The following ACER3 variants were observed in gnomAD, a reference collection of about 807,000 sequenced individuals.
ACER3 encodes alkCDase 3.
Under a neutral mutation model 48.9 loss-of-function variants are expected in ACER3, and 16 were observed. The ratio of observed to expected loss-of-function variants is 0.33; its 90% confidence interval spans 0.22 to 0.50. ACER3 has a LOEUF of 0.50. Among genes scored for constraint, ACER3 ranks in the 20% least tolerant of loss-of-function variants. The pLI, the probability that ACER3 is intolerant of heterozygous loss-of-function variation, is 0.98. For missense variants in ACER3, 227 were observed against 326.0 expected (o/e 0.70, Z 2.34); for synonymous variants, 109 against 107.8 (o/e 1.01, Z -0.07).
intron 3 of ACER3, among the ~76,000 whole-genome samples, chr11:76,960,151 C>T (rs1484955534): frequency 6.6e-6 from 1 of 152,080 alleles, no homozygotes; most frequent in East Asian, 1.9e-4. Flanking sequence ...TGGCTCATGC[C>T]TGTAATCCCA....
intron 1 of ACER3, among the ~76,000 whole-genome samples, chr11:76,863,846 C>T (rs1195166415): frequency 3.3e-5 from 5 of 152,314 alleles, no homozygotes; most frequent in South Asian, 2.1e-4. Context: ...CCTAAGATTA[C>T]AGTAAGTGAT....
In ACER3 at chr11:76,907,298, C is replaced by T. The variant is rs17135281; in HGVS notation, c.104-19259C>T. ...TTGTGTTATCTGGTTATAGCTTCTG[C>T]ACTTGAAAGTCTTCTGTAGATCACA... On this transcript the variant is annotated intron_variant, in intron 1 of 10. Transcript: ENST00000532485. Among the ~76,000 whole-genome samples, 474 of 152,320 alleles carry T rather than the reference C, an allele frequency of 3.1e-3. 5 individuals are homozygous for T. The highest frequency in any genetic ancestry group is 0.011 in the African/African-American group (445 of 41,576).
intron 2 of ACER3, among the ~76,000 whole-genome samples, chr11:76,944,169 A>G (rs546575168): frequency 6.6e-6 from 1 of 152,100 alleles, no homozygotes; most frequent in African/African-American, 2.4e-5. Context: ...GTTAATATTG[A>G]TATGTGAGGC....
intron 1 of ACER3, among the ~76,000 whole-genome samples, chr11:76,884,251 T>TC (rs398016731): frequency 6.6e-6 from 1 of 152,168 alleles, no homozygotes; most frequent in Non-Finnish European, 1.5e-5. Flanking sequence ...ATTTTTTTTT[T>TC]CCTTGCACCA....
chr11:76,956,000 T>A (rs1947830354), intron 2 of ACER3, among the ~76,000 whole-genome samples: 1 of 152,090 alleles, frequency 6.6e-6, no homozygotes, highest in Non-Finnish European at 1.5e-5. Context: ...AGCAGGCAAA[T>A]CTGTACAGAC....
At position 76,989,258 on chromosome 11, in the gene ACER3, G is replaced by GT. The variant is rs568267250; in HGVS notation, c.403-1269dup. Among the ~76,000 whole-genome samples the GT allele has an allele frequency of 5.8e-3, 822 of 142,074 alleles. 6 individuals are homozygous for GT. Among genetic ancestry groups the GT allele is most frequent in the South Asian group, 0.035 (155 of 4,448 alleles). The allele number at this position is 142,074 out of a possible 152,430, so 93.2% of individuals were successfully genotyped here. A position where few individuals can be genotyped will look rare whatever the true frequency, so the allele number is the denominator to read the frequency against. ...GCTTAAAGGAAATAATCTGGGTTTG[G>GT]TTTTTTTTTTTTGTACTGAGGGTAG... On this transcript the variant is annotated intron_variant, in intron 5 of 10. Coordinates refer to ENST00000532485, the MANE Select transcript of ACER3 (RefSeq NM_018367.7).
intron 1 of ACER3, among the ~76,000 whole-genome samples, chr11:76,875,976 G>A (rs961020341): frequency 2.0e-5 from 3 of 151,742 alleles, no homozygotes; most frequent in Admixed American, 6.6e-5. Flanking sequence ...TCATTTTTTT[G>A]TAGAGACATG....
chr11:76,988,634 A>G (rs1460617789), intron 5 of ACER3, among the ~76,000 whole-genome samples: 1 of 152,202 alleles, frequency 6.6e-6, no homozygotes, highest in Non-Finnish European at 1.5e-5. Flanking sequence ...CCCAACACAT[A>G]GGGATTACGA....
intron 1 of ACER3, among the ~76,000 whole-genome samples, chr11:76,867,420 CATT>C (rs1429155856): frequency 7.4e-5 from 9 of 121,774 alleles, no homozygotes; most frequent in African/African-American, 2.9e-4. Context: ...AGAGAGCTGA[CATT>C]GTGCCACTGC....
At chr11:76,925,379 G>A (rs1488723979) in intron 1 of ACER3, among the ~76,000 whole-genome samples, 2 of 152,090 alleles carry the variant, frequency 1.3e-5, no homozygotes, top group African/African-American at 2.4e-5. Flanking sequence ...AGTGAGAATG[G>A]GAAATAACCT....
intron 7 of ACER3, among the ~76,000 whole-genome samples, chr11:77,013,305 T>C (rs1203483010): frequency 6.6e-6 from 1 of 152,090 alleles, no homozygotes; most frequent in East Asian, 1.9e-4. Context: ...AAATATAGTA[T>C]TCAGAAAATA....
At chr11:76,911,998 G>GT (rs1338432546) in intron 1 of ACER3, among the ~76,000 whole-genome samples, 2 of 152,134 alleles carry the variant, frequency 1.3e-5, no homozygotes, top group Non-Finnish European at 2.9e-5. Flanking sequence ...TTAACAAAAT[G>GT]TATGAACAAA....
intron 1 of ACER3, 30 bp downstream of exon 1, chr11:76,861,109 G>A (rs1264834216): frequency 6.6e-7 from 1 of 1,526,348 alleles, no homozygotes; most frequent in African/African-American, 1.4e-5. Flanking sequence ...GGGAGTGGGG[G>A]CGAGAGGGCA....
At chr11:76,919,416 A>G (rs897155446) in intron 1 of ACER3, among the ~76,000 whole-genome samples, 3 of 152,208 alleles carry the variant, frequency 2.0e-5, no homozygotes, top group Non-Finnish European at 4.4e-5. Context: ...TACCTTGCTG[A>G]AAGATAAATT....
intron 5 of ACER3, among the ~76,000 whole-genome samples, chr11:76,989,484 T>A (rs1036006072): frequency 1.3e-5 from 2 of 152,132 alleles, no homozygotes; most frequent in Admixed American, 6.5e-5. Flanking sequence ...GCTTCCGCTG[T>A]ATAGAGAAAG....
chr11:76,894,364 G>A (rs1945879375), intron 1 of ACER3, among the ~76,000 whole-genome samples: 3 of 152,104 alleles, frequency 2.0e-5, no homozygotes, highest in African/African-American at 4.8e-5. Context: ...AATAAGCCTC[G>A]TCAGGATTCA....
chr11:76,991,531 C>T (rs1413471318), intron 6 of ACER3, among the ~76,000 whole-genome samples: 3 of 151,964 alleles, frequency 2.0e-5, no homozygotes, highest in Non-Finnish European at 4.4e-5. Flanking sequence ...AAGACATCCT[C>T]ACGGCCGGGC....
chr11:76,980,474 C>G (rs1233821463), intron 4 of ACER3, among the ~76,000 whole-genome samples: 1 of 151,984 alleles, frequency 6.6e-6, no homozygotes, highest in Non-Finnish European at 1.5e-5. Context: ...CCCAGGAGTT[C>G]AAGACCAGCC....
Position 77,022,608 on chromosome 11 carries a change from A to G in ACER3, c.*2281A>G, listed in dbSNP as rs1228500652. On this transcript the variant is annotated 3_prime_UTR_variant, in exon 11 of 11. Coordinates refer to ENST00000532485, the MANE Select transcript of ACER3 (RefSeq NM_018367.7). The stretch of plus-strand genomic sequence containing the variant: ...TAGGATATTACTAAATTATTTCAAT[A>G]GCTTTATTTTTTTCCTACTTGGATT... The G allele has an allele frequency of 6.6e-6, 1 of 152,402 alleles. No individual in the cohort carries two copies. Among genetic ancestry groups the G allele is most frequent in the East Asian group, 1.9e-4 (1 of 5,188 alleles). The allele number at this position is 152,402 out of a possible 1,614,324, so 9.4% of individuals were successfully genotyped here. A position where few individuals can be genotyped will look rare whatever the true frequency, so the allele number is the denominator to read the frequency against.
Sources: allele counts gnomAD v4.1 joint callset (sites outside exome capture counted in the v4.1 genomes callset), GRCh38; gene constraint gnomAD v4.1.1; transcripts MANE v1.5; gene names NCBI Gene and HGNC (gene_info 2026-07-23, HGNC 2026-07-21).